Variants in FANCB observed in about 807,000 individuals in gnomAD.
The protein encoded by FANCB is FA complementation group B, also known as Fanconi anemia group B protein.
A neutral mutation model predicts 38.9 loss-of-function variants in FANCB; 5 were observed. That is an observed-to-expected ratio of 0.13 (90% CI 0.07 to 0.27). The LOEUF (loss-of-function observed/expected upper bound fraction) is 0.27. Among genes scored for constraint, FANCB ranks in the 10% least tolerant of loss-of-function variants. FANCB has a pLI of 1.00. For missense variants in FANCB, 573 were observed against 602.7 expected, an observed-to-expected ratio of 0.95 and a Z score of 0.52; for synonymous variants, 236 against 215.4, an observed-to-expected ratio of 1.10 and a Z score of -0.84.
At chrX:14,803,698 CT>C in the FANCB span, among the ~76,000 whole-genome samples, 282 of 111,372 alleles carry the variant, frequency 2.5e-3, no homozygotes, top group African/African-American at 8.0e-3. Flanking sequence ...CAACTTTTTT[CT>C]TTCTTTCTTT....
the FANCB span, among the ~76,000 whole-genome samples, chrX:14,752,637 T>G: frequency 3.6e-5 from 4 of 111,837 alleles, no homozygotes; most frequent in South Asian, 7.4e-4. Context: ...GATTCCAACA[T>G]TCTGCATTTC....
At chrX:14,806,821 T>C in the FANCB span, among the ~76,000 whole-genome samples, 1 of 112,374 alleles carries the variant, frequency 8.9e-6, no homozygotes, top group Admixed American at 9.4e-5. Context: ...AAAATGGATA[T>C]ACTTATTGAA....
chrX:14,804,646 A>C, the FANCB span, among the ~76,000 whole-genome samples: 1 of 112,254 alleles, frequency 8.9e-6, no homozygotes, highest in Non-Finnish European at 1.9e-5. Flanking sequence ...AAAAAATAAA[A>C]ATAAAAATAA....
At chrX:14,801,933 G>T in the FANCB span, among the ~76,000 whole-genome samples, 11 of 111,182 alleles carry the variant, frequency 9.9e-5, no homozygotes, top group African/African-American at 3.6e-4. Context: ...AGCGCTCTGT[G>T]ACTTAGTCTC....
chrX:14,713,501 C>A, the FANCB span, among the ~76,000 whole-genome samples: 8 of 112,033 alleles, frequency 7.1e-5, no homozygotes, highest in Non-Finnish European at 1.5e-4. Flanking sequence ...TCTAAGGCTA[C>A]AGATGACATT....
At chrX:14,817,175 T>G in the FANCB span, among the ~76,000 whole-genome samples, 1 of 111,450 alleles carries the variant, frequency 9.0e-6, no homozygotes, top group East Asian at 2.8e-4. Context: ...CTCGGCCATT[T>G]GGAAAGAGGC....
the FANCB span, among the ~76,000 whole-genome samples, chrX:14,762,347 A>G: frequency 1.8e-5 from 2 of 110,218 alleles, no homozygotes; most frequent in Non-Finnish European, 3.8e-5. Context: ...GGGTCTCCCT[A>G]TGTTTCCCAG....
chrX:14,718,413 T>C, the FANCB span, among the ~76,000 whole-genome samples: 4 of 112,386 alleles, frequency 3.6e-5, no homozygotes, highest in Admixed American at 9.4e-5. Context: ...GAAAGTGTAA[T>C]ATTTGGCACA....
chrX:14,691,278 T>A, the FANCB span, among the ~76,000 whole-genome samples: 180 of 24,437 alleles, frequency 7.4e-3, 2 homozygotes, highest in Middle Eastern at 0.055. Context: ...TGACTGTGTG[T>A]GTGTGTGTGT....
At chrX:14,834,341 C>G, downstream of FANCB, 1 of 316,441 alleles carries the variant, frequency 3.2e-6, no homozygotes, top group Non-Finnish European at 5.7e-6. Context: ...CACAATGGAA[C>G]CTGGACAACA....
At chrX:14,776,532 T>A in the FANCB span, among the ~76,000 whole-genome samples, 1 of 112,069 alleles carries the variant, frequency 8.9e-6, no homozygotes, top group South Asian at 3.7e-4. Context: ...AATAGCGCAC[T>A]CCAGTCTAGG....
At chrX:14,868,672 G>C (rs769768767) in intron 2 of FANCB, among the ~76,000 whole-genome samples, 39 of 111,342 alleles carry the variant, frequency 3.5e-4, no homozygotes, top group South Asian at 1.5e-3. Context: ...GTGTCCTATT[G>C]CACAGTAGGG....
chrX:14,803,707 T>C, the FANCB span, among the ~76,000 whole-genome samples: 1 of 111,705 alleles, frequency 9.0e-6, no homozygotes, highest in African/African-American at 3.3e-5. Context: ...TCTTTCTTTC[T>C]TTCTTTTTCT....
the FANCB span, among the ~76,000 whole-genome samples, chrX:14,798,227 A>G: frequency 9.2e-6 from 1 of 108,725 alleles, no homozygotes; most frequent in South Asian, 4.1e-4. Context: ...TGGTGGCGCA[A>G]TCTTGGCTCA....
At chrX:14,774,301 A>C in the FANCB span, among the ~76,000 whole-genome samples, 1 of 112,026 alleles carries the variant, frequency 8.9e-6, no homozygotes, top group African/African-American at 3.2e-5. Flanking sequence ...AGATATTAAA[A>C]CATATTTATA....
At chrX:14,799,827 G>A in the FANCB span, among the ~76,000 whole-genome samples, 3 of 112,331 alleles carry the variant, frequency 2.7e-5, no homozygotes, top group South Asian at 7.4e-4. Context: ...TTATAAAGTG[G>A]CAGAGAATGT....
chrX:14,774,775 G>A, the FANCB span, among the ~76,000 whole-genome samples: 1 of 111,895 alleles, frequency 8.9e-6, no homozygotes, highest in Admixed American at 9.5e-5. Context: ...TTTATTGTCC[G>A]TAAACAATAA....
chrX:14,826,337 A>T, the FANCB span, among the ~76,000 whole-genome samples: 1 of 111,850 alleles, frequency 8.9e-6, no homozygotes, highest in East Asian at 2.8e-4. Flanking sequence ...CTGTCCCTAG[A>T]GAAACAAAGA....
In FANCB at chrX:14,850,676, T is replaced by TAA; in HGVS notation, c.1327-4_1327-3dup. ...ACAAAGAGGAACAAGACATTCCTTCTAAAAAAAAAAGTTTAAATAACTGAT... is the reference window on the plus strand; with the variant it reads ...ACAAAGAGGAACAAGACATTCCTTCTAAAAAAAAAAAAGTTTAAATAACTGAT... On this transcript the variant is annotated splice_polypyrimidine_tract_variant and splice_region_variant and intron_variant, in intron 6 of 9. Transcript: ENST00000650831. 3.8e-6 allele frequency: 4 copies of TAA among 1,059,611 alleles called. No homozygotes were observed. Among genetic ancestry groups the TAA allele is most frequent in the South Asian group, 2.1e-5 (1 of 48,336 alleles). The allele number at this position is 1,059,611 out of a possible 1,213,427, so 87.3% of individuals were successfully genotyped here.
Sources: gnomAD v4.1 joint callset for allele counts (sites outside exome capture counted in the v4.1 genomes callset) on GRCh38, gnomAD v4.1.1 for gene constraint, MANE v1.5 for transcripts, NCBI Gene and HGNC (gene_info 2026-07-23, HGNC 2026-07-21) for gene names.